Variants in PAX3 observed in about 807,000 individuals in gnomAD.
The protein encoded by PAX3 is paired box protein Pax-3.
In PAX3, 14 loss-of-function variants were observed where a neutral mutation model predicts 51.6. The observed-to-expected ratio is 0.27, with a 90% CI of 0.18 to 0.42. The LOEUF (loss-of-function observed/expected upper bound fraction) is 0.42. PAX3 is among the 10% of genes least tolerant of loss of function. The pLI, the probability that PAX3 is intolerant of heterozygous loss-of-function variation, is 1.00. For synonymous variants in PAX3, 280 were observed against 253.4 expected (o/e 1.11, Z -1.00); for missense variants, 540 against 642.8 (o/e 0.84, Z 1.73).
intron 4 of PAX3, among the ~76,000 whole-genome samples, chr2:222,246,905 T>A (rs954384574): frequency 5.9e-5 from 9 of 152,358 alleles, no homozygotes; most frequent in Admixed American, 3.3e-4. Context: ...TTGTTCATAT[T>A]TACCTGTGAA....
At chr2:222,257,996 GA>G (rs1280850748) in intron 4 of PAX3, among the ~76,000 whole-genome samples, 1 of 152,244 alleles carries the variant, frequency 6.6e-6, no homozygotes, top group Non-Finnish European at 1.5e-5. Flanking sequence ...TCCAAGAAAA[GA>G]GGAATATTCT....
rs1574681622 is a variant in PAX3, at chr2:222,244,824, C to T, written c.587-12541G>A. Among the ~76,000 whole-genome samples, 6 of 151,944 alleles carry T rather than the reference C, an allele frequency of 3.9e-5. No individual in the cohort carries two copies. The Middle Eastern group carries it at 0.017, about 437-fold the overall frequency. ...CAAAGATCAAAGTTACTCAACTTCA[C>T]CTAACCCAGGACCTGTATCTGTACT... On this transcript the variant is annotated intron_variant, in intron 4 of 8. Transcript: ENST00000392070.
chr2:222,274,067 C>T lies in PAX3; in HGVS notation c.586+20100G>A, dbSNP rs566606530. 5.9e-5 allele frequency among the ~76,000 whole-genome samples: 9 copies of T among 152,220 alleles called. No individual in the cohort carries two copies. The South Asian group carries it at 1.2e-3, about 21-fold the overall frequency. The stretch of plus-strand genomic sequence containing the variant: ...CAAAGGACTTGTGAAATAAAATATA[C>T]AGAATCCTTAATATGCTCTCTCCAC... On this transcript the variant is annotated intron_variant, in intron 4 of 8. Coordinates refer to ENST00000392070, the MANE Select transcript of PAX3 (RefSeq NM_181458.4).
At chr2:222,219,302 T>C (rs1355463966) in intron 7 of PAX3, among the ~76,000 whole-genome samples, 2 of 152,132 alleles carry the variant, frequency 1.3e-5, no homozygotes, top group Non-Finnish European at 2.9e-5. Flanking sequence ...TCGATTGCAA[T>C]TATAGATTGC....
intron 4 of PAX3, among the ~76,000 whole-genome samples, chr2:222,277,658 G>A (rs1665445442): frequency 6.6e-6 from 1 of 152,106 alleles, no homozygotes; most frequent in Admixed American, 6.5e-5. Flanking sequence ...AGTTTTGGCC[G>A]GTCGCAGTGG....
chr2:222,270,246 C>T (rs549631002), intron 4 of PAX3, among the ~76,000 whole-genome samples: 14 of 152,358 alleles, frequency 9.2e-5, no homozygotes, highest in African/African-American at 2.9e-4. Context: ...ATCATCTTAG[C>T]TCAAGCTCCG....
intron 3 of PAX3, among the ~76,000 whole-genome samples, chr2:222,294,824 T>TTA (rs1391314069): frequency 7.1e-6 from 1 of 141,640 alleles, no homozygotes; most frequent in African/African-American, 2.6e-5. Context: ...TTTTTTTTTT[T>TTA]AAGGCTATAA....
chr2:222,240,767 A>G (rs1438617), intron 4 of PAX3, among the ~76,000 whole-genome samples: 85,666 of 152,018 alleles, frequency 0.56, 24,723 homozygotes, highest in East Asian at 0.83. Context: ...GTGGCTTCTT[A>G]TGTGTGTATA....
chr2:222,269,945 C>T (rs940612467), intron 4 of PAX3, among the ~76,000 whole-genome samples: 1 of 152,040 alleles, frequency 6.6e-6, no homozygotes, highest in Non-Finnish European at 1.5e-5. Flanking sequence ...GAATTTAGTT[C>T]GAGCCTAAAA....
At chr2:222,295,441 T>C (rs1319393244) in intron 3 of PAX3, 87 bp downstream of exon 3, 1 of 1,465,312 alleles carries the variant, frequency 6.8e-7, no homozygotes, top group Non-Finnish European at 9.6e-7. Context: ...CTGAGATCGA[T>C]AATTGGGGTG....
rs566044211 is a variant in PAX3 at position 222,272,020 on chromosome 2, G to A, written c.586+22147C>T. On this transcript the variant is annotated intron_variant, in intron 4 of 8. Coordinates refer to ENST00000392070, the MANE Select transcript of PAX3 (RefSeq NM_181458.4). ...CTCTCCTGAAGGTTTCACTTTCTTC[G>A]CGTCACCAAGTCATGACCACAAAGC... Among the ~76,000 whole-genome samples, 321 of 152,170 alleles carry A rather than the reference G, an allele frequency of 2.1e-3. 3 individuals are homozygous for A. Among genetic ancestry groups the A allele is most frequent in the Non-Finnish European group, 3.7e-3 (254 of 67,994 alleles).
At chr2:222,217,383 G>GA (rs1387686677) in intron 7 of PAX3, among the ~76,000 whole-genome samples, 1 of 151,934 alleles carries the variant, frequency 6.6e-6, no homozygotes, top group Non-Finnish European at 1.5e-5. Context: ...GTTTTTTTAT[G>GA]AAACCTGTTT....
At chr2:222,237,574 C>A (rs772639303) in intron 4 of PAX3, among the ~76,000 whole-genome samples, 3 of 152,134 alleles carry the variant, frequency 2.0e-5, no homozygotes, top group Non-Finnish European at 4.4e-5. Context: ...TTATTTAAAT[C>A]TTTGTATGTT....
chr2:222,271,460 A>G (rs1192236902), intron 4 of PAX3, among the ~76,000 whole-genome samples: 1 of 152,204 alleles, frequency 6.6e-6, no homozygotes, highest in African/African-American at 2.4e-5. Context: ...GCTGATGATG[A>G]TGGTACTGGT....
At chr2:222,207,927 AAGGGTTTTTC>A (rs1397596859) in intron 7 of PAX3, among the ~76,000 whole-genome samples, 4 of 151,792 alleles carry the variant, frequency 2.6e-5, no homozygotes, top group African/African-American at 9.7e-5. Flanking sequence ...GTATGATATA[AAGGGTTTTTC>A]AGGCTTCTAG....
intron 7 of PAX3, among the ~76,000 whole-genome samples, chr2:222,208,867 C>T (rs150050570): frequency 2.0e-5 from 3 of 152,274 alleles, no homozygotes; most frequent in East Asian, 1.9e-4. Flanking sequence ...AGTGATATGG[C>T]ATTCAAAATT....
rs149528988 is a variant in PAX3 at position 222,204,585 on chromosome 2, G to T, written c.1174-2395C>A. On this transcript the variant is annotated intron_variant, in intron 7 of 8. Coordinates refer to ENST00000392070, the MANE Select transcript of PAX3 (RefSeq NM_181458.4). ...TACATTTTCGTGTGTGATCCTGATGGGTGAGATTGGACATGAACATAAAAA... is the reference window on the plus strand; with the variant it reads ...TACATTTTCGTGTGTGATCCTGATGTGTGAGATTGGACATGAACATAAAAA... Among the ~76,000 whole-genome samples, 352 of 152,206 alleles carry T rather than the reference G, an allele frequency of 2.3e-3. No individual in the cohort carries two copies. The Middle Eastern group carries it at 0.031, about 13-fold the overall frequency.
At chr2:222,240,808 G>A (rs1692985183) in intron 4 of PAX3, among the ~76,000 whole-genome samples, 1 of 152,156 alleles carries the variant, frequency 6.6e-6, no homozygotes, top group South Asian at 2.1e-4. Flanking sequence ...TTTACAACAC[G>A]AATGACATCG....
chr2:222,260,697 T>G (rs747755318), intron 4 of PAX3, among the ~76,000 whole-genome samples: 2 of 146,422 alleles, frequency 1.4e-5, no homozygotes, highest in Non-Finnish European at 3.0e-5. Flanking sequence ...GTTCAAGCAA[T>G]TCTCCTCCTC....
Sources: gnomAD v4.1 joint callset for allele counts (sites outside exome capture counted in the v4.1 genomes callset) on GRCh38, gnomAD v4.1.1 for gene constraint, MANE v1.5 for transcripts, NCBI Gene and HGNC (gene_info 2026-07-23, HGNC 2026-07-21) for gene names.